The following AUTS2 variants were observed in gnomAD, a reference collection of about 807,000 sequenced individuals.
The protein encoded by AUTS2 is autism susceptibility gene 2 protein.
AUTS2 carries 17 observed loss-of-function variants against 112.4 expected under a neutral mutation model. That is an observed-to-expected ratio of 0.15 (90% CI 0.10 to 0.23). The LOEUF (loss-of-function observed/expected upper bound fraction) is 0.23, where lower values mean the gene tolerates loss of function less well. Among genes scored for constraint, AUTS2 ranks in the 10% least tolerant of loss-of-function variants. The pLI is 1.00. For missense variants in AUTS2, 1,510 were observed against 1,701.6 expected (o/e 0.89, Z 1.98); for synonymous variants, 751 against 702.7 (o/e 1.07, Z -1.09).
intron 5 of AUTS2, among the ~76,000 whole-genome samples, chr7:70,608,452 G>C (rs1291773694): frequency 6.6e-6 from 1 of 152,168 alleles, no homozygotes; most frequent in African/African-American, 2.4e-5. Context: ...CTGTGGTTTT[G>C]TCCGGGAGGT....
At chr7:70,763,746 A>C (rs1789725460) in intron 7 of AUTS2, among the ~76,000 whole-genome samples, 1 of 152,108 alleles carries the variant, frequency 6.6e-6, no homozygotes. Context: ...GAAGTGTTAA[A>C]GAAAACTCGT....
In AUTS2 at chr7:70,684,554, C is replaced by T. The variant is rs944436793; in HGVS notation, c.691-14015C>T. ...CGTGATGTGGTGTGGTGTGGCGTGG[C>T]GTGGCGTGTTGTGGCGTGGTATGGT... On this transcript the variant is annotated intron_variant, in intron 5 of 18. Transcript: ENST00000342771. Among the ~76,000 whole-genome samples the T allele has an allele frequency of 1.2e-4, 17 of 146,266 alleles. No homozygotes were observed. The East Asian group carries it at 2.6e-3, about 23-fold the overall frequency.
At chr7:69,637,023 C>G (rs1055815773) in intron 1 of AUTS2, among the ~76,000 whole-genome samples, 4 of 152,130 alleles carry the variant, frequency 2.6e-5, no homozygotes, top group African/African-American at 9.7e-5. Context: ...CCTCGGCCTC[C>G]CAAAGTGCTG....
In AUTS2 at chr7:70,203,006, CTA is replaced by C. The variant is rs1346276201; in HGVS notation, c.660+68437_660+68438del. Among the ~76,000 whole-genome samples the C allele has an allele frequency of 1.0e-3, 135 of 131,174 alleles. 2 individuals carry two copies. The highest frequency in any genetic ancestry group is 3.8e-3 in the African/African-American group (128 of 33,484). 86.1% of individuals were successfully genotyped at this position (131,174 alleles called of 152,430 possible). On this transcript the variant is annotated intron_variant, in intron 4 of 18. Transcript: ENST00000342771. Reference sequence around the variant, plus strand: ...TGTGGCACATATACACCATGGAATACTATGCAGCCATAAAAAATGATGAGTTC... The same window carrying C: ...TGTGGCACATATACACCATGGAATACTGCAGCCATAAAAAATGATGAGTTC...
chr7:70,143,494 A>G (rs1184384104), intron 4 of AUTS2, among the ~76,000 whole-genome samples: 1 of 152,216 alleles, frequency 6.6e-6, no homozygotes, highest in Non-Finnish European at 1.5e-5. Context: ...ACTGTTAACA[A>G]ACCTTAATTT....
intron 2 of AUTS2, among the ~76,000 whole-genome samples, chr7:69,934,108 A>T (rs780690824): frequency 5.3e-5 from 8 of 152,248 alleles, no homozygotes; most frequent in Non-Finnish European, 1.0e-4. Context: ...AGCGAAACTC[A>T]TATAACCTTG....
intron 4 of AUTS2, among the ~76,000 whole-genome samples, chr7:70,334,847 TG>T (rs1790917926): frequency 6.6e-6 from 1 of 152,210 alleles, no homozygotes; most frequent in Admixed American, 6.5e-5. Flanking sequence ...CCAACTTTTT[TG>T]TTGGTTTATT....
At position 70,338,956 on chromosome 7, in the gene AUTS2, G is replaced by A. The variant is rs962414436; in HGVS notation, c.661-96796G>A. On this transcript the variant is annotated intron_variant, in intron 4 of 18. Coordinates refer to ENST00000342771, the MANE Select transcript of AUTS2 (RefSeq NM_015570.4). ...CGGCTCACTGCAAGCTCCGCCTCCC[G>A]GGTTCACGCCATTCTCCTGCCTCAG... 4.6e-5 allele frequency among the ~76,000 whole-genome samples: 7 copies of A among 151,542 alleles called. No homozygotes were observed. The East Asian group carries it at 5.8e-4, about 13-fold the overall frequency.
chr7:70,681,092 T>C (rs1160924253), intron 5 of AUTS2, among the ~76,000 whole-genome samples: 1 of 152,210 alleles, frequency 6.6e-6, no homozygotes, highest in Non-Finnish European at 1.5e-5. Context: ...AGATCCACAC[T>C]CGCTTCCCTG....
intron 4 of AUTS2, among the ~76,000 whole-genome samples, chr7:70,352,082 CT>C (rs1243242488): frequency 1.3e-5 from 2 of 152,308 alleles, no homozygotes; most frequent in East Asian, 3.9e-4. Context: ...AATATTTAAT[CT>C]TCATAACAAT....
At chr7:70,052,517 T>G (rs1801802226) in intron 2 of AUTS2, among the ~76,000 whole-genome samples, 1 of 152,238 alleles carries the variant, frequency 6.6e-6, no homozygotes, top group Non-Finnish European at 1.5e-5. Flanking sequence ...GGTTGTTCAC[T>G]GCATGAAGGT....
At chr7:70,646,427 C>T (rs189264154) in intron 5 of AUTS2, among the ~76,000 whole-genome samples, 3 of 152,154 alleles carry the variant, frequency 2.0e-5, no homozygotes, top group African/African-American at 4.8e-5. Flanking sequence ...TAAGGTCAGC[C>T]GTCAAGCGTG....
rs80203933 is a variant in AUTS2 at position 70,759,321 on chromosome 7, C to A, written c.743-3549C>A. On this transcript the variant is annotated intron_variant, in intron 6 of 18. Transcript: ENST00000342771. Reference sequence around the variant, plus strand: ...TCCTTCACTTCTCTGGGCATATTCCCTATCTGGTCAGAGAGTGTTAGATTA... The same window carrying A: ...TCCTTCACTTCTCTGGGCATATTCCATATCTGGTCAGAGAGTGTTAGATTA... Among the ~76,000 whole-genome samples, 77 of 152,310 alleles carry A rather than the reference C, an allele frequency of 5.1e-4. 1 individual carries two copies. In the East Asian group the frequency reaches 0.014, roughly 28 times the overall value.
At chr7:70,458,601 G>A (rs1180835900) in intron 5 of AUTS2, among the ~76,000 whole-genome samples, 1 of 152,176 alleles carries the variant, frequency 6.6e-6, no homozygotes, top group Non-Finnish European at 1.5e-5. Flanking sequence ...CCTTAAACAG[G>A]AAGTAGTTGT....
chr7:69,782,221 G>A (rs1789171967), intron 1 of AUTS2, among the ~76,000 whole-genome samples: 1 of 152,016 alleles, frequency 6.6e-6, no homozygotes, highest in African/African-American at 2.4e-5. Flanking sequence ...AGATCAGCTG[G>A]GCGTGGTGGT....
rs149989816 is a variant in AUTS2, at chr7:69,998,369, A to G, written c.522+98871A>G. Among the ~76,000 whole-genome samples, 444 of 152,184 alleles carry G rather than the reference A, an allele frequency of 2.9e-3. 5 individuals are homozygous for G. Among genetic ancestry groups the G allele is most frequent in the African/African-American group, 0.01 (430 of 41,514 alleles). On this transcript the variant is annotated intron_variant, in intron 2 of 18. Coordinates refer to ENST00000342771, the MANE Select transcript of AUTS2 (RefSeq NM_015570.4). Reference sequence around the variant, plus strand: ...CAGCTATATTCACATTAAAAAAAAAAAATCATCTGTAATTCTAAGAGCTCC... The same window carrying G: ...CAGCTATATTCACATTAAAAAAAAAGAATCATCTGTAATTCTAAGAGCTCC...
chr7:70,253,149 C>T (rs1043655810), intron 4 of AUTS2, among the ~76,000 whole-genome samples: 1 of 152,088 alleles, frequency 6.6e-6, no homozygotes, highest in African/African-American at 2.4e-5. Context: ...TCTAAAATGG[C>T]TCCTGTAACC....
At chr7:70,458,691 A>T (rs1796844672) in intron 5 of AUTS2, among the ~76,000 whole-genome samples, 2 of 151,808 alleles carry the variant, frequency 1.3e-5, no homozygotes, top group Admixed American at 6.6e-5. Flanking sequence ...TTGGTGGGGA[A>T]TTTTTTCAGG....
intron 4 of AUTS2, among the ~76,000 whole-genome samples, chr7:70,308,102 A>G (rs1311248766): frequency 6.6e-6 from 1 of 152,252 alleles, no homozygotes; most frequent in African/African-American, 2.4e-5. Context: ...CTCTCATGCT[A>G]ATCTTGCCAA....
Sources: allele counts gnomAD v4.1 joint callset (sites outside exome capture counted in the v4.1 genomes callset), GRCh38; gene constraint gnomAD v4.1.1; transcripts MANE v1.5; gene names NCBI Gene and HGNC (gene_info 2026-07-23, HGNC 2026-07-21).